HRH1: variants seen among roughly 807,000 people sequenced by gnomAD.
HRH1 encodes histamine H1 receptor.
HRH1 carries 6 observed loss-of-function variants against 10.3 expected under a neutral mutation model. The ratio of observed to expected loss-of-function variants is 0.58; its 90% CI spans 0.32 to 1.15. The LOEUF is 1.15. Among genes scored for constraint, HRH1 ranks in the 50% most tolerant of loss-of-function variants. HRH1 has a pLI of 0.05. For synonymous variants in HRH1, 242 were observed against 236.7 expected, an observed-to-expected ratio of 1.02 and a Z score of -0.21; for missense variants, 514 against 615.3, an observed-to-expected ratio of 0.84 and a Z score of 1.74.
At chr3:11,207,300 C>G (rs2125031684) in intron 1 of HRH1, among the ~76,000 whole-genome samples, 1 of 152,162 alleles carries the variant, frequency 6.6e-6, no homozygotes, top group Admixed American at 6.5e-5. Flanking sequence ...CACGGTGTCC[C>G]ACGCCTGTAA....
At chr3:11,253,738 C>G (rs536767665) in intron 1 of HRH1, among the ~76,000 whole-genome samples, 1 of 152,066 alleles carries the variant, frequency 6.6e-6, no homozygotes, top group Non-Finnish European at 1.5e-5. Flanking sequence ...ACGTTCTGAC[C>G]GGGAGGATGT....
At chr3:11,189,945 G>T (rs1937511759) in intron 1 of HRH1, among the ~76,000 whole-genome samples, 1 of 151,964 alleles carries the variant, frequency 6.6e-6, no homozygotes. Context: ...GTGAGACTCT[G>T]TTTCAAAAAA....
chr3:11,167,777 C>T (rs1203787001), intron 1 of HRH1, among the ~76,000 whole-genome samples: 1 of 152,240 alleles, frequency 6.6e-6, no homozygotes, highest in South Asian at 2.1e-4. Context: ...GGCAAGTGCT[C>T]ATGGGTAGTC....
intron 1 of HRH1, among the ~76,000 whole-genome samples, chr3:11,140,631 GGA>G (rs1191941246): frequency 6.6e-6 from 1 of 152,068 alleles, no homozygotes; most frequent in Non-Finnish European, 1.5e-5. Flanking sequence ...CTCCCTCAGA[GGA>G]GCCCTGCCTA....
At chr3:11,209,765 C>T (rs1235347729) in intron 1 of HRH1, among the ~76,000 whole-genome samples, 2 of 152,162 alleles carry the variant, frequency 1.3e-5, no homozygotes, top group Non-Finnish European at 2.9e-5. Flanking sequence ...TGACTTATGG[C>T]TCCATTATTT....
At chr3:11,219,845 T>G (rs974671462) in intron 1 of HRH1, among the ~76,000 whole-genome samples, 17 of 152,042 alleles carry the variant, frequency 1.1e-4, no homozygotes, top group African/African-American at 3.6e-4. Flanking sequence ...CTTCCTAAGA[T>G]GACCTTAAAT....
At chr3:11,208,546 TC>T (rs1420036415) in intron 1 of HRH1, among the ~76,000 whole-genome samples, 2 of 152,222 alleles carry the variant, frequency 1.3e-5, no homozygotes, top group Non-Finnish European at 1.5e-5. Flanking sequence ...TCACTTGAAA[TC>T]CTTCTACCAA....
intron 1 of HRH1, among the ~76,000 whole-genome samples, chr3:11,159,701 G>A (rs1026306229): frequency 6.6e-6 from 1 of 152,146 alleles, no homozygotes; most frequent in Non-Finnish European, 1.5e-5. Context: ...GGTTATGCTG[G>A]CCTCACAAAA....
chr3:11,218,614 C>T (rs1198995519), intron 1 of HRH1, among the ~76,000 whole-genome samples: 5 of 152,182 alleles, frequency 3.3e-5, no homozygotes, highest in Admixed American at 6.5e-5. Context: ...CTTGCTCTGT[C>T]GCCCAGACTG....
chr3:11,169,435 G>A (rs1445629231), intron 1 of HRH1, among the ~76,000 whole-genome samples: 1 of 152,140 alleles, frequency 6.6e-6, no homozygotes, highest in East Asian at 1.9e-4. Flanking sequence ...GAGGAGTGAG[G>A]AAGGACCATC....
At chr3:11,210,429 G>A (rs182712502) in intron 1 of HRH1, among the ~76,000 whole-genome samples, 33 of 152,166 alleles carry the variant, frequency 2.2e-4, no homozygotes, top group South Asian at 2.1e-4. Context: ...TAATAATCCC[G>A]ACCTTGCAAA....
intron 1 of HRH1, among the ~76,000 whole-genome samples, chr3:11,225,451 G>A (rs1450121146): frequency 6.6e-6 from 1 of 152,184 alleles, no homozygotes; most frequent in Non-Finnish European, 1.5e-5. Flanking sequence ...GATCTGGCAG[G>A]CACTCCAGGT....
intron 1 of HRH1, among the ~76,000 whole-genome samples, chr3:11,206,275 G>A (rs1018822532): frequency 6.6e-6 from 1 of 152,178 alleles, no homozygotes; most frequent in Non-Finnish European, 1.5e-5. Context: ...ACGCCAACAC[G>A]CCTGGCTAAT....
In HRH1 at chr3:11,205,111, C is replaced by T. The variant is rs1575009965; in HGVS notation, c.-36+50557C>T. On this transcript the variant is annotated intron_variant, in intron 1 of 1. Coordinates refer to ENST00000431010, the MANE Select transcript of HRH1 (RefSeq NM_001098212.2). ...AATTTCGCCAGTGACACAGGACTCT[C>T]ATCAGCGCGGCTGTTCTTGGTAGGT... 3.3e-5 allele frequency among the ~76,000 whole-genome samples: 5 copies of T among 152,350 alleles called. No individual in the cohort carries two copies. The South Asian group carries it at 1.0e-3, about 32-fold the overall frequency.
At chr3:11,192,977 T>A (rs948987965) in intron 1 of HRH1, among the ~76,000 whole-genome samples, 1 of 152,204 alleles carries the variant, frequency 6.6e-6, no homozygotes, top group African/African-American at 2.4e-5. Flanking sequence ...GGCTCAGTCA[T>A]TATAGACTCA....
In HRH1 at chr3:11,259,497, C is replaced by G; in HGVS notation, c.460C>G (p.Leu154Val). 1 of 1,614,092 alleles carries G rather than the reference C, an allele frequency of 6.2e-7. No homozygotes were observed. Among genetic ancestry groups the G allele is most frequent in the Non-Finnish European group, 8.5e-7 (1 of 1,180,034 alleles). ...ASATILGAWF[L>V]SFLWVIPILG... ...GGCCACCATTCTGGGGGCCTGGTTT[C>G]TCTCTTTTCTGTGGGTTATTCCCAT... Residue 154 changes from leucine to valine, a missense_variant, in exon 2 of 2, where the codon CTC (leucine) becomes GTC (valine). By Grantham distance (32) the Leu-to-Val change is conservative. Transcript: ENST00000431010. This position sits in a 1 kb window ranked among gnomAD's most constrained non-coding sequence, Gnocchi z 4.6.
At chr3:11,227,912 C>T (rs1938938435) in intron 1 of HRH1, among the ~76,000 whole-genome samples, 1 of 152,160 alleles carries the variant, frequency 6.6e-6, no homozygotes, top group Non-Finnish European at 1.5e-5. Flanking sequence ...TAGGACAGGC[C>T]CCAGCCATCC....
chr3:11,141,621 T>C (rs1232740650), intron 1 of HRH1, among the ~76,000 whole-genome samples: 1 of 152,188 alleles, frequency 6.6e-6, no homozygotes, highest in Non-Finnish European at 1.5e-5. Flanking sequence ...TTCTTGAGTG[T>C]CCTCACAACA....
intron 1 of HRH1, among the ~76,000 whole-genome samples, chr3:11,199,610 C>G (rs542828964): frequency 6.6e-6 from 1 of 152,334 alleles, no homozygotes; most frequent in East Asian, 1.9e-4. Flanking sequence ...GCCTGCCTAT[C>G]TGTTCCCCTC....
Sources: allele counts gnomAD v4.1 joint callset (sites outside exome capture counted in the v4.1 genomes callset), GRCh38; gene constraint gnomAD v4.1.1; non-coding constraint Gnocchi (gnomAD v3.1); transcripts MANE v1.5; gene names NCBI Gene and HGNC (gene_info 2026-07-23, HGNC 2026-07-21).